The following KIF4A variants were observed in gnomAD, a reference collection of about 807,000 sequenced individuals.
KIF4A encodes chromosome-associated kinesin KIF4A.
A neutral mutation model predicts 105.9 loss-of-function variants in KIF4A; 7 were observed. The observed-to-expected ratio is 0.07, with a 90% CI of 0.04 to 0.12. The LOEUF (loss-of-function observed/expected upper bound fraction) is 0.12, where lower values mean the gene tolerates loss of function less well. Ranked by LOEUF, KIF4A falls within the 10% of genes least tolerant of loss-of-function variation. The probability of loss-of-function intolerance (pLI) is 1.00; values close to 1 mark genes in which losing one functional copy is unlikely to be tolerated. For synonymous variants in KIF4A, 281 were observed against 331.3 expected, an observed-to-expected ratio of 0.85 and a Z score of 1.65; for missense variants, 558 against 929.2, an observed-to-expected ratio of 0.60 and a Z score of 5.19.
rs2085939223 is a variant in KIF4A at position 70,333,490 on chromosome X, T to C, written c.1072-138T>C. The C allele has an allele frequency of 1.1e-5, 5 of 469,320 alleles. No individual in the cohort carries two copies. In the East Asian group the frequency reaches 1.1e-4, roughly 10 times the overall value. The allele number at this position is 469,320 out of a possible 1,213,427, so 38.7% of individuals were successfully genotyped here. ...ACTATGTATGATGCCTTTGGTAGTATCTAAGGTATGCTATCTGCCTTAGAT... is the reference window on the plus strand; with the variant it reads ...ACTATGTATGATGCCTTTGGTAGTACCTAAGGTATGCTATCTGCCTTAGAT... On this transcript the variant is annotated intron_variant, in intron 9 of 30. Transcript: ENST00000374403.
intron 7 of KIF4A, among the ~76,000 whole-genome samples, chrX:70,320,707 G>C (rs1258762643): frequency 1.8e-5 from 2 of 111,917 alleles, no homozygotes; most frequent in Non-Finnish European, 3.8e-5. Flanking sequence ...GAAGAAGAGA[G>C]AGGTTGATTA....
chrX:70,420,330 G>A lies in KIF4A; in HGVS notation c.*65G>A, dbSNP rs1360786900. 2 of 1,115,925 alleles carry A rather than the reference G, an allele frequency of 1.8e-6. No homozygotes were observed. The highest frequency in any genetic ancestry group is 2.4e-6 in the Non-Finnish European group (2 of 846,588). The allele number at this position is 1,115,925 out of a possible 1,213,427, so 92.0% of individuals were successfully genotyped here. On this transcript the variant is annotated 3_prime_UTR_variant, in exon 31 of 31. Coordinates refer to ENST00000374403, the MANE Select transcript of KIF4A (RefSeq NM_012310.5). The stretch of plus-strand genomic sequence containing the variant: ...GATGCTTTCAGGTTGCAGCCAGAAG[G>A]GGTTTTTTAAATGACTTCTCTGGAT...
At chrX:70,311,699 G>A (rs1234642857) in intron 7 of KIF4A, among the ~76,000 whole-genome samples, 1 of 111,290 alleles carries the variant, frequency 9.0e-6, no homozygotes, top group Non-Finnish European at 1.9e-5. Flanking sequence ...AGTGACTCAT[G>A]CCTGTAATTT....
intron 13 of KIF4A, among the ~76,000 whole-genome samples, chrX:70,348,179 T>C (rs1366024284): frequency 9.2e-6 from 1 of 108,340 alleles, no homozygotes; most frequent in Non-Finnish European, 1.9e-5. Context: ...CGCAGTGGCT[T>C]ACGCCTGTAA....
chrX:70,340,721 G>A (rs1243024230), intron 10 of KIF4A, among the ~76,000 whole-genome samples: 1 of 111,384 alleles, frequency 9.0e-6, no homozygotes, highest in Non-Finnish European at 1.9e-5. Flanking sequence ...AAAAATTGAT[G>A]GAGGTCTTAA....
intron 15 of KIF4A, among the ~76,000 whole-genome samples, chrX:70,368,656 C>T (rs1421354553): frequency 2.7e-5 from 3 of 111,849 alleles, no homozygotes; most frequent in Admixed American, 9.5e-5. Context: ...TCAGTCTGCC[C>T]CTCCTGGGGG....
intron 17 of KIF4A, 59 bp downstream of exon 17, chrX:70,375,407 A>G (rs1320511270): frequency 1.8e-6 from 2 of 1,092,095 alleles, no homozygotes; most frequent in Non-Finnish European, 2.5e-6. Context: ...TAGGTATTCC[A>G]TTTAGAAATA....
At chrX:70,370,741 GC>G (rs1255263426) in intron 15 of KIF4A, among the ~76,000 whole-genome samples, 1 of 109,357 alleles carries the variant, frequency 9.1e-6, no homozygotes, top group Admixed American at 9.9e-5. Flanking sequence ...TTCGAGACCA[GC>G]CTGGCCAACA....
At chrX:70,312,189 G>A (rs1176114425) in intron 7 of KIF4A, among the ~76,000 whole-genome samples, 1 of 97,019 alleles carries the variant, frequency 1.0e-5, no homozygotes, top group African/African-American at 3.8e-5. Context: ...CTGTTGCCCA[G>A]GCTGGAGTGC....
rs12690308 is a variant in KIF4A at position 70,370,634 on chromosome X, G to T, written c.1675-3517G>T. 6.4e-5 allele frequency among the ~76,000 whole-genome samples: 7 copies of T among 109,904 alleles called. No homozygotes were observed. In the East Asian group the frequency reaches 2.0e-3, roughly 31 times the overall value. On this transcript the variant is annotated intron_variant, in intron 15 of 30. Transcript: ENST00000374403. ...ATACATACACACCCATGTTATTAGT[G>T]GTTTTAAATATGCAGGGTAGTTTGG... is the stretch of plus-strand genomic sequence containing the variant.
chrX:70,296,562 T>C (rs2085784326), intron 3 of KIF4A, among the ~76,000 whole-genome samples: 1 of 112,592 alleles, frequency 8.9e-6, no homozygotes, highest in African/African-American at 3.2e-5. Flanking sequence ...TTGTTTCCTT[T>C]TCAGATAAAT....
chrX:70,353,816 T>C lies in KIF4A; in HGVS notation c.1674+9T>C, dbSNP rs774290487. 2 of 1,141,326 alleles carry C rather than the reference T, an allele frequency of 1.8e-6. No individual in the cohort carries two copies. The highest frequency in any genetic ancestry group is 2.3e-6 in the Non-Finnish European group (2 of 853,026). The allele number at this position is 1,141,326 out of a possible 1,213,427, so 94.1% of individuals were successfully genotyped here. A position where few individuals can be genotyped will look rare whatever the true frequency, so the allele number is the denominator to read the frequency against. ...TTCAGTACCAATACCAGGTAAACTA[T>C]TTCCTAGGGCAGTATTTGTTCATGT... On this transcript the variant is annotated intron_variant, in intron 15 of 30. Coordinates refer to ENST00000374403, the MANE Select transcript of KIF4A (RefSeq NM_012310.5).
At chrX:70,362,006 C>T (rs766778428) in intron 15 of KIF4A, among the ~76,000 whole-genome samples, 10 of 112,163 alleles carry the variant, frequency 8.9e-5, no homozygotes, top group Admixed American at 7.5e-4. Context: ...ATGAATAAGG[C>T]GGACCTCCTC....
intron 18 of KIF4A, among the ~76,000 whole-genome samples, chrX:70,379,871 A>G (rs1034447803): frequency 1.8e-5 from 2 of 110,964 alleles, no homozygotes; most frequent in Non-Finnish European, 3.8e-5. Context: ...ACACTTCCCA[A>G]CTCATTCCAT....
At chrX:70,341,212 T>C (rs2085971260) in intron 10 of KIF4A, among the ~76,000 whole-genome samples, 1 of 111,870 alleles carries the variant, frequency 8.9e-6, no homozygotes, top group Non-Finnish European at 1.9e-5. Context: ...GGAGCACTTA[T>C]TTATAAAGAA....
intron 15 of KIF4A, among the ~76,000 whole-genome samples, chrX:70,363,772 G>A (rs1003228799): frequency 8.9e-6 from 1 of 111,903 alleles, no homozygotes; most frequent in African/African-American, 3.2e-5. Context: ...TGGGATGGCT[G>A]GGTCAAATGG....
intron 20 of KIF4A, among the ~76,000 whole-genome samples, chrX:70,393,080 C>T (rs896501620): frequency 9.2e-6 from 1 of 109,288 alleles, no homozygotes; most frequent in African/African-American, 3.3e-5. Context: ...TATAAGTTTC[C>T]CCTTAAGTAT....
chrX:70,391,435 G>A (rs1459757565), intron 20 of KIF4A, among the ~76,000 whole-genome samples: 1 of 111,636 alleles, frequency 9.0e-6, no homozygotes, highest in Non-Finnish European at 1.9e-5. Flanking sequence ...TAGGAGTGGT[G>A]AGAATAGACA....
intron 9 of KIF4A, among the ~76,000 whole-genome samples, chrX:70,331,346 T>G (rs2085929680): frequency 9.0e-6 from 1 of 111,044 alleles, no homozygotes; most frequent in Admixed American, 9.6e-5. Context: ...AGGCTTACCT[T>G]AGGGATGTTG....
Sources: gnomAD v4.1 joint callset for allele counts (sites outside exome capture counted in the v4.1 genomes callset) on GRCh38, gnomAD v4.1.1 for gene constraint, MANE v1.5 for transcripts, NCBI Gene and HGNC (gene_info 2026-07-23, HGNC 2026-07-21) for gene names.